Variants in CPM observed in about 807,000 individuals in gnomAD.
CPM encodes the protein renal carboxypeptidase.
Under a neutral mutation model 46.4 loss-of-function variants are expected in CPM, and 35 were observed. The observed-to-expected ratio is 0.75, with a 90% CI of 0.58 to 1.00. The LOEUF is 1.00. Ranked by LOEUF, CPM falls within the 50% of genes least tolerant of loss-of-function variation. CPM has a pLI of 0.00. For missense variants in CPM, 422 were observed against 530.4 expected (o/e 0.80, Z 2.01); for synonymous variants, 195 against 195.3 (o/e 1.00, Z 0.01).
chr12:68,864,939 C>T (rs1269119683), intron 7 of CPM, among the ~76,000 whole-genome samples: 2 of 152,120 alleles, frequency 1.3e-5, no homozygotes, highest in African/African-American at 2.4e-5. Context: ...TCACTTGAGC[C>T]CAGGAGTTCA....
At chr12:68,894,081 C>A (rs1403077490) in intron 2 of CPM, among the ~76,000 whole-genome samples, 1 of 152,152 alleles carries the variant, frequency 6.6e-6, no homozygotes, top group African/African-American at 2.4e-5. Flanking sequence ...TCCTCCACCC[C>A]ACCCCTTGGC....
chr12:68,866,566 A>G (rs1885457727), intron 7 of CPM, among the ~76,000 whole-genome samples: 1 of 151,718 alleles, frequency 6.6e-6, no homozygotes, highest in African/African-American at 2.4e-5. Flanking sequence ...CTGGTCTCGA[A>G]CTCCTGACCT....
At chr12:68,842,347 A>G (rs2136186003) in intron 5 of CPM, 3 of 495,996 alleles carry the variant, frequency 6.0e-6, no homozygotes, top group East Asian at 4.7e-5. Flanking sequence ...AAAAGATGAT[A>G]TAACAGTTAA....
At chr12:68,843,484 A>G (rs1883986026) in intron 5 of CPM, 1 of 225,584 alleles carries the variant, frequency 4.4e-6, no homozygotes, top group Non-Finnish European at 8.7e-6. Context: ...TAATATAAGT[A>G]TCTCTCAAAC....
At chr12:68,912,410 T>C (rs769865431) in intron 2 of CPM, among the ~76,000 whole-genome samples, 1 of 152,224 alleles carries the variant, frequency 6.6e-6, no homozygotes, top group Non-Finnish European at 1.5e-5. Context: ...GATACCACCA[T>C]CTTTTTCATA....
At chr12:68,923,160 A>T (rs2120740) in intron 2 of CPM, among the ~76,000 whole-genome samples, 4,670 of 45,456 alleles carry the variant, frequency 0.1, 151 homozygotes, top group African/African-American at 0.25. Flanking sequence ...TTTGATATAG[A>T]GTGTGTGTGT....
chr12:68,941,205 A>G (rs1144962), intron 1 of CPM, among the ~76,000 whole-genome samples: 59,385 of 141,338 alleles, frequency 0.42, 12,619 homozygotes, highest in African/African-American at 0.58. Flanking sequence ...GTGTGTGTGT[A>G]TATAAAGCTA....
intron 1 of CPM, among the ~76,000 whole-genome samples, chr12:68,940,593 G>A (rs186403976): frequency 6.6e-6 from 1 of 150,842 alleles, no homozygotes. Flanking sequence ...CTCCTGAAGT[G>A]TATATGCCCA....
intron 2 of CPM, among the ~76,000 whole-genome samples, chr12:68,910,221 T>C (rs528455351): frequency 6.6e-6 from 1 of 152,244 alleles, no homozygotes; most frequent in Admixed American, 6.5e-5. Flanking sequence ...AATGACTAAA[T>C]AAACTAAGAT....
chr12:68,939,097 TATATATAC>T (rs1208605416), intron 1 of CPM, among the ~76,000 whole-genome samples: 1 of 146,314 alleles, frequency 6.8e-6, no homozygotes, highest in Non-Finnish European at 1.5e-5. Flanking sequence ...CATATGTATC[TATATATAC>T]ATTTACTACA....
At chr12:68,945,726 G>C (rs531078263) in intron 1 of CPM, among the ~76,000 whole-genome samples, 26 of 151,942 alleles carry the variant, frequency 1.7e-4, no homozygotes, top group Non-Finnish European at 3.5e-4. Context: ...TTGCAGAACT[G>C]ATCTGAAGCC....
exon 6 of CPM, chr12:68,842,248 A>C (rs1337332210): frequency 4.0e-6 from 2 of 497,396 alleles, no homozygotes; most frequent in East Asian, 9.3e-5. Context: ...CAAATTCAAG[A>C]AAAAGGACTA....
At chr12:68,844,457 C>A in intron 5 of CPM, 1 of 228,380 alleles carries the variant, frequency 4.4e-6, no homozygotes. Context: ...ACATGGCAGC[C>A]TGGCCTAAGT....
At chr12:68,856,765 A>G in intron 8 of CPM, 86 bp from the exon 9 acceptor site, 7 of 1,528,474 alleles carry the variant, frequency 4.6e-6, no homozygotes, top group Non-Finnish European at 6.2e-6. Context: ...CATCACTAAA[A>G]TGCAGCCTTT....
chr12:68,856,465 A>T lies in CPM; in HGVS notation c.1304T>A (p.Val435Glu), dbSNP rs200495418. The change falls in exon 9 of 9, where the codon GTG (valine) becomes GAG (glutamate). Residue 435 changes from valine to glutamate, a missense_variant. By Grantham distance (121) the Val-to-Glu change is moderately radical. Transcript: ENST00000551568. Reference sequence around the variant, plus strand: ...TTTGAAGAATATGTGCAAAAGACTCACTAAAAATAAGAACAAACTAGGCTT... The same window carrying T: ...TTTGAAGAATATGTGCAAAAGACTCTCTAAAAATAAGAACAAACTAGGCTT... ...ATKPSLFLFL[V>E]SLLHIFFK The T allele has an allele frequency of 1.1e-5, 18 of 1,613,980 alleles. No individual in the cohort carries two copies. Among genetic ancestry groups the T allele is most frequent in the Non-Finnish European group, 8.5e-7 (1 of 1,180,000 alleles).
chr12:68,875,113 G>A (rs916786170), intron 3 of CPM, among the ~76,000 whole-genome samples: 1 of 152,176 alleles, frequency 6.6e-6, no homozygotes, highest in African/African-American at 2.4e-5. Flanking sequence ...CACTTTGGGA[G>A]GCTGAGGTGG....
At chr12:68,857,528 CTT>C (rs1044821408) in intron 8 of CPM, among the ~76,000 whole-genome samples, 5 of 144,546 alleles carry the variant, frequency 3.5e-5, no homozygotes, top group African/African-American at 2.5e-5. Context: ...GTTAGGCTTT[CTT>C]TTTTTTTTTA....
In CPM at chr12:68,855,396, G is replaced by A. The variant is rs1160987771; in HGVS notation, c.*1041C>T. 5 of 152,382 alleles carry A rather than the reference G, an allele frequency of 3.3e-5. No homozygotes were observed. In the East Asian group the frequency reaches 9.7e-4, roughly 29 times the overall value. 9.4% of individuals were successfully genotyped at this position (152,382 alleles called of 1,614,324 possible). ...CAGTGGGACGCGAGTCTGAAGCTCA[G>A]GCAAGAGGCTAGAGTTACATCTTTG... is the stretch of plus-strand genomic sequence containing the variant. On this transcript the variant is annotated 3_prime_UTR_variant, in exon 9 of 9. Coordinates refer to ENST00000551568, the MANE Select transcript of CPM (RefSeq NM_198320.5).
Position 68,853,101 on chromosome 12 carries a change from C to CTGAT in CPM, c.*3332_*3335dup, listed in dbSNP as rs1315809224. The CTGAT allele has an allele frequency of 6.6e-6, 1 of 152,126 alleles. No homozygotes were observed. Among genetic ancestry groups the CTGAT allele is most frequent in the African/African-American group, 2.4e-5 (1 of 41,412 alleles). The allele number at this position is 152,126 out of a possible 1,614,324, so 9.4% of individuals were successfully genotyped here. A position where few individuals can be genotyped will look rare whatever the true frequency, so the allele number is the denominator to read the frequency against. On this transcript the variant is annotated 3_prime_UTR_variant, in exon 9 of 9. Coordinates refer to ENST00000551568, the MANE Select transcript of CPM (RefSeq NM_198320.5). The stretch of plus-strand genomic sequence containing the variant: ...TGTTAGTCTTTAAATGATTTTGAGT[C>CTGAT]TGATAGATAACTAAATTCTGATTTT...
Sources: gnomAD v4.1 joint callset for allele counts (sites outside exome capture counted in the v4.1 genomes callset) on GRCh38, gnomAD v4.1.1 for gene constraint, MANE v1.5 for transcripts, NCBI Gene and HGNC (gene_info 2026-07-23, HGNC 2026-07-21) for gene names.